ERC2: variants seen among roughly 807,000 people sequenced by gnomAD.
ERC2 encodes ELKS/RAB6-interacting/CAST family member 2.
Under a neutral mutation model 114.8 loss-of-function variants are expected in ERC2, and 42 were observed. The ratio of observed to expected loss-of-function variants is 0.37; its 90% CI spans 0.29 to 0.47. The LOEUF (loss-of-function observed/expected upper bound fraction) is 0.47, where lower values mean the gene tolerates loss of function less well. Among genes scored for constraint, ERC2 ranks in the 20% least tolerant of loss-of-function variants. The pLI, the probability that ERC2 is intolerant of heterozygous loss-of-function variation, is 0.99. For missense variants in ERC2, 939 were observed against 1,150.7 expected, an observed-to-expected ratio of 0.82 and a Z score of 2.66; for synonymous variants, 454 against 425.5, an observed-to-expected ratio of 1.07 and a Z score of -0.82.
chr3:56,178,335 G>A (rs941369763), intron 3 of ERC2, among the ~76,000 whole-genome samples: 108 of 152,036 alleles, frequency 7.1e-4, no homozygotes, highest in Non-Finnish European at 1.6e-4. Flanking sequence ...ATCTATTACT[G>A]TATAACAAAC....
intron 17 of ERC2, among the ~76,000 whole-genome samples, chr3:55,543,990 T>G (rs2054577753): frequency 6.6e-6 from 1 of 152,148 alleles, no homozygotes; most frequent in South Asian, 2.1e-4. Context: ...TCCATCCAGA[T>G]GATGAGGTGG....
At chr3:56,264,762 C>A in intron 3 of ERC2, among the ~76,000 whole-genome samples, 1 of 137,036 alleles carries the variant, frequency 7.3e-6, no homozygotes, top group African/African-American at 2.7e-5. Flanking sequence ...AGTAAAGTTG[C>A]AAGATAAAAA....
intron 6 of ERC2, among the ~76,000 whole-genome samples, chr3:56,084,835 C>T (rs1006581765): frequency 6.7e-6 from 1 of 149,284 alleles, no homozygotes; most frequent in Non-Finnish European, 1.5e-5. Flanking sequence ...CAAAAACTAC[C>T]TATACCCCTA....
intron 2 of ERC2, among the ~76,000 whole-genome samples, chr3:56,372,440 C>T (rs2059391480): frequency 6.6e-6 from 1 of 151,940 alleles, no homozygotes; most frequent in Non-Finnish European, 1.5e-5. Flanking sequence ...AAAATTATAA[C>T]AAGGTGGCCA....
intron 13 of ERC2, among the ~76,000 whole-genome samples, chr3:55,905,163 C>T (rs894937682): frequency 6.6e-6 from 1 of 152,208 alleles, no homozygotes; most frequent in African/African-American, 2.4e-5. Flanking sequence ...TCACTGCAAC[C>T]TCTGCCTCCC....
chr3:55,991,260 T>A (rs1225907352), intron 11 of ERC2, among the ~76,000 whole-genome samples: 1 of 152,228 alleles, frequency 6.6e-6, no homozygotes, highest in African/African-American at 2.4e-5. Flanking sequence ...CTCTTCCATA[T>A]GGATTGAATC....
At chr3:55,873,754 C>T (rs1315992855) in intron 14 of ERC2, among the ~76,000 whole-genome samples, 1 of 152,166 alleles carries the variant, frequency 6.6e-6, no homozygotes, top group Admixed American at 6.5e-5. Flanking sequence ...CTCTTATGGA[C>T]AAACTCCCCT....
rs535185844 is a variant in ERC2 at position 55,849,653 on chromosome 3, A to G, written c.2564+38736T>C. Among the ~76,000 whole-genome samples the G allele has an allele frequency of 1.8e-3, 273 of 152,266 alleles. 2 individuals are homozygous for G. Among genetic ancestry groups the G allele is most frequent in the African/African-American group, 6.2e-3 (259 of 41,556 alleles). The stretch of plus-strand genomic sequence containing the variant: ...ATGCCCATGCCCCTCTTCAATTTTT[A>G]CATTCTAATGATTTCAAATTTAAAT... On this transcript the variant is annotated intron_variant, in intron 14 of 17. Coordinates refer to ENST00000288221, the MANE Select transcript of ERC2 (RefSeq NM_015576.3).
intron 14 of ERC2, among the ~76,000 whole-genome samples, chr3:55,765,631 T>G (rs1319553667): frequency 1.3e-5 from 2 of 152,188 alleles, no homozygotes; most frequent in Non-Finnish European, 1.5e-5. Context: ...GAGTGGGTCG[T>G]TACTTGAGGC....
At chr3:55,523,923 G>A (rs866683106) in intron 17 of ERC2, among the ~76,000 whole-genome samples, 5 of 152,172 alleles carry the variant, frequency 3.3e-5, no homozygotes, top group African/African-American at 1.2e-4. Flanking sequence ...AGTGAGAGCC[G>A]GAGACAGGGC....
chr3:56,060,350 T>C (rs1006726850), intron 7 of ERC2, among the ~76,000 whole-genome samples: 8 of 152,220 alleles, frequency 5.3e-5, no homozygotes, highest in African/African-American at 1.9e-4. Context: ...TATCTGTACT[T>C]TCCTTTTCCC....
intron 3 of ERC2, among the ~76,000 whole-genome samples, chr3:56,274,813 A>T (rs1227470739): frequency 6.6e-6 from 1 of 152,250 alleles, no homozygotes; most frequent in Non-Finnish European, 1.5e-5. Flanking sequence ...AGGCGATGAC[A>T]TGGTGAGAGA....
intron 4 of ERC2, among the ~76,000 whole-genome samples, chr3:56,162,335 T>C (rs966898313): frequency 1.3e-5 from 2 of 152,082 alleles, no homozygotes; most frequent in African/African-American, 2.4e-5. Flanking sequence ...TACTGCCCTG[T>C]AGTTTTCTTT....
intron 14 of ERC2, among the ~76,000 whole-genome samples, chr3:55,885,765 T>A (rs1297962466): frequency 1.3e-5 from 2 of 152,198 alleles, no homozygotes; most frequent in East Asian, 1.9e-4. Context: ...GCCATTTGCA[T>A]ACATATATCA....
At chr3:55,627,577 C>T (rs907935011) in intron 17 of ERC2, among the ~76,000 whole-genome samples, 11 of 152,148 alleles carry the variant, frequency 7.2e-5, no homozygotes, top group Admixed American at 5.2e-4. Context: ...GAGCCAATAT[C>T]GTCACCTTAA....
At chr3:55,768,841 T>C (rs528714008) in intron 14 of ERC2, among the ~76,000 whole-genome samples, 3 of 152,218 alleles carry the variant, frequency 2.0e-5, no homozygotes, top group South Asian at 4.2e-4. Context: ...TTTACTTTAG[T>C]TTTATGTTTT....
At chr3:55,947,555 T>C (rs187013102) in intron 13 of ERC2, among the ~76,000 whole-genome samples, 7 of 152,320 alleles carry the variant, frequency 4.6e-5, no homozygotes, top group African/African-American at 1.7e-4. Flanking sequence ...TAGTATGTTT[T>C]TGCTCATTCT....
At chr3:55,896,521 G>C (rs1448883418) in intron 13 of ERC2, among the ~76,000 whole-genome samples, 1 of 152,198 alleles carries the variant, frequency 6.6e-6, no homozygotes, top group Non-Finnish European at 1.5e-5. Flanking sequence ...GCTTCTTTTA[G>C]AAGTACATCT....
intron 9 of ERC2, among the ~76,000 whole-genome samples, chr3:56,009,417 C>T (rs1193099520): frequency 6.6e-6 from 1 of 152,238 alleles, no homozygotes; most frequent in Non-Finnish European, 1.5e-5. Context: ...TGATTTTCCT[C>T]GAAACTCCTC....
Sources: allele counts gnomAD v4.1 joint callset (sites outside exome capture counted in the v4.1 genomes callset), GRCh38; gene constraint gnomAD v4.1.1; transcripts MANE v1.5; gene names NCBI Gene and HGNC (gene_info 2026-07-23, HGNC 2026-07-21).